PPP2R2B: variants seen among roughly 807,000 people sequenced by gnomAD.
PPP2R2B encodes the protein serine/threonine-protein phosphatase 2A 55 kDa regulatory subunit B beta isoform.
In PPP2R2B, 5 loss-of-function variants were observed where a neutral mutation model predicts 46.0. The ratio of observed to expected loss-of-function variants is 0.11; its 90% CI spans 0.06 to 0.23. The LOEUF is 0.23. Ranked by LOEUF, PPP2R2B falls within the 10% of genes least tolerant of loss-of-function variation. PPP2R2B has a pLI of 1.00. For missense variants in PPP2R2B, 367 were observed against 575.0 expected, an observed-to-expected ratio of 0.64 and a Z score of 3.70; for synonymous variants, 215 against 206.7, an observed-to-expected ratio of 1.04 and a Z score of -0.34.
intron 6 of PPP2R2B, among the ~76,000 whole-genome samples, chr5:146,648,850 G>A (rs539874861): frequency 6.6e-6 from 1 of 152,196 alleles, no homozygotes; most frequent in Admixed American, 6.5e-5. Flanking sequence ...TTAGTTGGCT[G>A]AAATGAAGTG....
At position 146,817,996 on chromosome 5, in the gene PPP2R2B, T is replaced by C. The variant is rs1356140004; in HGVS notation, c.70+60006A>G. Among the ~76,000 whole-genome samples, 4 of 152,226 alleles carry C rather than the reference T, an allele frequency of 2.6e-5. No homozygotes were observed. In the East Asian group the frequency reaches 7.7e-4, roughly 29 times the overall value. Reference sequence around the variant, plus strand: ...ACCTCATGGCCTTGCCTATGCTGTTTTGTCTGCCTGGCAGGGCTGCCCTAT... The same window carrying C: ...ACCTCATGGCCTTGCCTATGCTGTTCTGTCTGCCTGGCAGGGCTGCCCTAT... On this transcript the variant is annotated intron_variant, in intron 2 of 9. Transcript: ENST00000394411.
chr5:146,625,731 G>A (rs928504440), intron 7 of PPP2R2B, among the ~76,000 whole-genome samples: 28 of 152,136 alleles, frequency 1.8e-4, no homozygotes, highest in African/African-American at 6.0e-4. Context: ...CCCGGAACCT[G>A]GGAATATCTT....
At chr5:146,719,665 A>G (rs952072198) in intron 2 of PPP2R2B, among the ~76,000 whole-genome samples, 2 of 152,154 alleles carry the variant, frequency 1.3e-5, no homozygotes, top group Non-Finnish European at 2.9e-5. Flanking sequence ...GCTCCACATC[A>G]TGGGACCAAA....
intron 5 of PPP2R2B, among the ~76,000 whole-genome samples, chr5:146,689,451 A>T (rs760365041): frequency 3.9e-5 from 6 of 152,208 alleles, no homozygotes; most frequent in Non-Finnish European, 8.8e-5. Flanking sequence ...TTACTATTCA[A>T]CACAGGAACA....
intron 2 of PPP2R2B, among the ~76,000 whole-genome samples, chr5:146,832,606 G>T (rs1251512207): frequency 6.6e-6 from 1 of 151,702 alleles, no homozygotes; most frequent in African/African-American, 2.4e-5. Flanking sequence ...GGCCAGGCTG[G>T]TCTTGAACTC....
intron 1 of PPP2R2B, among the ~76,000 whole-genome samples, chr5:146,930,648 T>C (rs1048077444): frequency 3.3e-5 from 5 of 152,104 alleles, no homozygotes; most frequent in Non-Finnish European, 4.4e-5. Context: ...TAGGTGGACA[T>C]GAAGTGTCAA....
intron 7 of PPP2R2B, among the ~76,000 whole-genome samples, chr5:146,622,784 G>T (rs949220497): frequency 6.6e-6 from 1 of 152,180 alleles, no homozygotes; most frequent in African/African-American, 2.4e-5. Flanking sequence ...AGACACAAAA[G>T]TCATGGGGCA....
intron 2 of PPP2R2B, among the ~76,000 whole-genome samples, chr5:146,835,274 G>T: frequency 6.6e-6 from 1 of 151,882 alleles, no homozygotes; most frequent in African/African-American, 2.4e-5. Flanking sequence ...TATTTTGAGG[G>T]AAAATATTAA....
At chr5:146,615,426 G>A (rs1360614524) in intron 7 of PPP2R2B, among the ~76,000 whole-genome samples, 14 of 109,048 alleles carry the variant, frequency 1.3e-4, no homozygotes, top group Admixed American at 2.1e-4. Context: ...TGGGTGCAGC[G>A]CACCAGCATG....
rs138749555 is a variant in PPP2R2B, at chr5:146,633,320, A to G, written c.790+4931T>C. The stretch of plus-strand genomic sequence containing the variant: ...TCTCAGAGCTCATCTCCAAAAGCCA[A>G]TGTTGCTTTTCATTTTGAACTCTGA... On this transcript the variant is annotated intron_variant, in intron 7 of 9. Coordinates refer to ENST00000394411, the MANE Select transcript of PPP2R2B (RefSeq NM_181675.4). Among the ~76,000 whole-genome samples, 667 of 152,320 alleles carry G rather than the reference A, an allele frequency of 4.4e-3. 7 individuals carry two copies. Among genetic ancestry groups the G allele is most frequent in the African/African-American group, 0.015 (641 of 41,582 alleles).
rs191203907 is a variant in PPP2R2B, at chr5:147,055,365, G to C, written c.79+300C>G. Among the ~76,000 whole-genome samples the C allele has an allele frequency of 2.0e-5, 3 of 152,308 alleles. No individual in the cohort carries two copies. The East Asian group carries it at 5.8e-4, about 29-fold the overall frequency. ...TTCTTGACACTGGTTCCAATGACTT[G>C]TTTGCATGTTAAATGAAACAAGGAA... On this transcript the variant is annotated intron_variant, in intron 1 of 8. Transcript: ENST00000336640.
At chr5:146,994,881 G>A (rs1388690308) in intron 1 of PPP2R2B, among the ~76,000 whole-genome samples, 5 of 152,170 alleles carry the variant, frequency 3.3e-5, no homozygotes, top group Admixed American at 3.3e-4. Context: ...TATTTAATGG[G>A]AAAGACCAAA....
intron 1 of PPP2R2B, among the ~76,000 whole-genome samples, chr5:147,031,628 A>G (rs1249290366): frequency 2.0e-5 from 3 of 152,148 alleles, no homozygotes. Flanking sequence ...TTAGACCTCA[A>G]TAAAAAATAT....
At chr5:146,637,949 G>T (rs1194807563) in intron 7 of PPP2R2B, among the ~76,000 whole-genome samples, 1 of 152,148 alleles carries the variant, frequency 6.6e-6, no homozygotes, top group Non-Finnish European at 1.5e-5. Flanking sequence ...ATTCCTCAAA[G>T]TCATTCTCCC....
At chr5:146,618,402 A>G (rs755252700) in intron 7 of PPP2R2B, among the ~76,000 whole-genome samples, 3 of 152,232 alleles carry the variant, frequency 2.0e-5, no homozygotes, top group African/African-American at 4.8e-5. Flanking sequence ...TAGCCCAGTG[A>G]GACCCACTTC....
intron 2 of PPP2R2B, among the ~76,000 whole-genome samples, chr5:146,787,466 A>G (rs1053777277): frequency 2.0e-5 from 3 of 152,096 alleles, no homozygotes; most frequent in Non-Finnish European, 2.9e-5. Flanking sequence ...GAGAGTTCAG[A>G]TCTTGGGCCA....
chr5:146,716,728 TA>T (rs941862332), intron 2 of PPP2R2B, among the ~76,000 whole-genome samples: 1 of 152,150 alleles, frequency 6.6e-6, no homozygotes, highest in Non-Finnish European at 1.5e-5. Flanking sequence ...CCTTCCCTTC[TA>T]ACACCCAGTT....
At chr5:146,917,237 A>T (rs911338702) in intron 1 of PPP2R2B, among the ~76,000 whole-genome samples, 1 of 152,226 alleles carries the variant, frequency 6.6e-6, no homozygotes, top group African/African-American at 2.4e-5. Flanking sequence ...CCCTGCCTGC[A>T]CAGGCTGTCT....
intron 1 of PPP2R2B, among the ~76,000 whole-genome samples, chr5:147,000,666 TTTTTAA>T (rs1754128939): frequency 3.7e-5 from 3 of 82,092 alleles, no homozygotes; most frequent in Admixed American, 2.0e-4. Flanking sequence ...GGATTTGCCA[TTTTTAA>T]TGGCAAAAAC....
Sources: allele counts gnomAD v4.1 joint callset (sites outside exome capture counted in the v4.1 genomes callset), GRCh38; gene constraint gnomAD v4.1.1; transcripts MANE v1.5; gene names NCBI Gene and HGNC (gene_info 2026-07-23, HGNC 2026-07-21).